The following RIC8B variants were observed in gnomAD, a reference collection of about 807,000 sequenced individuals.
RIC8B encodes the protein RIC8 guanine nucleotide exchange factor B.
In RIC8B, 16 loss-of-function variants were observed where a neutral mutation model predicts 57.5. The observed-to-expected ratio is 0.28, with a 90% confidence interval of 0.19 to 0.42. The LOEUF (loss-of-function observed/expected upper bound fraction) is 0.42, where lower values mean the gene tolerates loss of function less well. Ranked by LOEUF, RIC8B falls within the 10% of genes least tolerant of loss-of-function variation. RIC8B has a pLI of 1.00. For missense variants in RIC8B, 481 were observed against 677.0 expected (o/e 0.71, Z 3.21); for synonymous variants, 216 against 250.8 (o/e 0.86, Z 1.31).
intron 2 of RIC8B, among the ~76,000 whole-genome samples, chr12:106,809,628 A>C (rs2045239212): frequency 6.6e-6 from 1 of 152,174 alleles, no homozygotes; most frequent in Non-Finnish European, 1.5e-5. Context: ...CACATAAGCA[A>C]AAAATATTAC....
At chr12:106,780,435 C>T (rs1206730025) in intron 1 of RIC8B, among the ~76,000 whole-genome samples, 1 of 152,136 alleles carries the variant, frequency 6.6e-6, no homozygotes, top group Non-Finnish European at 1.5e-5. Flanking sequence ...GCTAGAAGAA[C>T]CTGATTCATA....
At chr12:106,778,781 C>T (rs1028089670) in intron 1 of RIC8B, among the ~76,000 whole-genome samples, 1 of 152,130 alleles carries the variant, frequency 6.6e-6, no homozygotes, top group Non-Finnish European at 1.5e-5. Flanking sequence ...TGGTATACTA[C>T]GGTTATTCCT....
rs551932278 is a variant in RIC8B, at chr12:106,815,131, C to T, written c.568C>T (p.Pro190Ser). Residue 190 changes from proline (P) to serine (S), a missense_variant, in exon 3 of 10, where the codon CCG (proline) becomes TCG (serine). By Grantham distance (74) the Pro-to-Ser change is moderately conservative (BLOSUM62 -1). Around this residue, in one of 3 missense-constraint regions of RIC8B, gnomAD observed 421 missense variants for 560.9 expected, o/e 0.75. Transcript: ENST00000392837. ...ATTGCGCTATGAGCTCCAGGGACTA[C>T]CGCTGCTAACGCAGATCTTGGAAAG... ...SQLRYELQGL[P>S]LLTQILESAF... The T allele has an allele frequency of 6.2e-7, 1 of 1,614,218 alleles. No individual in the cohort carries two copies. Among genetic ancestry groups the T allele is most frequent in the African/African-American group, 1.3e-5 (1 of 75,052 alleles).
chr12:106,843,698 G>A (rs1013816667), intron 5 of RIC8B, among the ~76,000 whole-genome samples, 154 bp from the exon 6 acceptor site: 2 of 137,460 alleles, frequency 1.5e-5, no homozygotes, highest in African/African-American at 5.5e-5. Flanking sequence ...CTCCAGCCTG[G>A]GCAACAGAGG....
At chr12:106,795,356 G>A (rs1480784686) in intron 2 of RIC8B, among the ~76,000 whole-genome samples, 3 of 152,066 alleles carry the variant, frequency 2.0e-5, no homozygotes, top group East Asian at 1.9e-4. Context: ...GTTTAGGAGC[G>A]GAGGTCTAAT....
At chr12:106,865,656 C>A (rs932054752) in intron 8 of RIC8B, among the ~76,000 whole-genome samples, 6 of 152,084 alleles carry the variant, frequency 3.9e-5, no homozygotes, top group Non-Finnish European at 1.5e-5. Flanking sequence ...GCTAAAATCT[C>A]TCTCTCCAGG....
chr12:106,821,861 G>C (rs924386391), intron 3 of RIC8B, among the ~76,000 whole-genome samples: 4 of 151,792 alleles, frequency 2.6e-5, no homozygotes, highest in African/African-American at 9.7e-5. Flanking sequence ...GGCAGATCAC[G>C]AGGTCAGGAG....
intron 9 of RIC8B, among the ~76,000 whole-genome samples, chr12:106,872,620 G>A (rs1950482233): frequency 6.8e-6 from 1 of 147,256 alleles, no homozygotes; most frequent in African/African-American, 2.5e-5. Flanking sequence ...GTGAACCAAG[G>A]TCGCACCATT....
chr12:106,848,004 G>A (rs944212561), intron 6 of RIC8B, among the ~76,000 whole-genome samples: 10 of 152,112 alleles, frequency 6.6e-5, no homozygotes, highest in South Asian at 2.1e-4. Flanking sequence ...TATATACTAC[G>A]TCCGGTGGTG....
intron 3 of RIC8B, 117 bp downstream of exon 3, chr12:106,815,421 C>T: frequency 9.5e-7 from 1 of 1,057,518 alleles, no homozygotes; most frequent in East Asian, 2.4e-5. Flanking sequence ...CCACTTCTCC[C>T]ATTAAGCAAT....
At chr12:106,791,631 A>AT (rs1566041524) in intron 2 of RIC8B, among the ~76,000 whole-genome samples, 1 of 152,186 alleles carries the variant, frequency 6.6e-6, no homozygotes, top group African/African-American at 2.4e-5. Context: ...TATTTAGCAT[A>AT]TTAGAGATCT....
intron 2 of RIC8B, among the ~76,000 whole-genome samples, chr12:106,786,141 A>ATTTTTTTTTTTTT (rs893618675): frequency 1.4e-5 from 1 of 73,888 alleles, no homozygotes; most frequent in African/African-American, 5.6e-5. Context: ...CCCAAGGTGT[A>ATTTTTTTTTTTTT]TTTTTTTTTT....
chr12:106,837,547 C>G (rs1371697208), intron 4 of RIC8B, among the ~76,000 whole-genome samples: 1 of 151,744 alleles, frequency 6.6e-6, no homozygotes, highest in Non-Finnish European at 1.5e-5. Flanking sequence ...GTGATACCTG[C>G]CTGAAATAGT....
chr12:106,838,633 G>T (rs1469421701), intron 4 of RIC8B, among the ~76,000 whole-genome samples: 5 of 151,216 alleles, frequency 3.3e-5, no homozygotes, highest in Admixed American at 2.6e-4. Flanking sequence ...ATGATTTCTT[G>T]GGTATGACAC....
chr12:106,843,777 G>T, intron 5 of RIC8B, 75 bp from the exon 6 acceptor site: 2 of 984,604 alleles, frequency 2.0e-6, no homozygotes, highest in Middle Eastern at 2.3e-4. Flanking sequence ...GATATCCTCA[G>T]TTACATGAAG....
chr12:106,871,670 A>G (rs545402860), intron 9 of RIC8B, among the ~76,000 whole-genome samples: 86 of 152,266 alleles, frequency 5.6e-4, no homozygotes, highest in African/African-American at 2.1e-3. Flanking sequence ...CTAGTCATAC[A>G]TTGAGTCACT....
At chr12:106,868,419 A>T (rs999778849) in intron 8 of RIC8B, 18 of 450,720 alleles carry the variant, frequency 4.0e-5, no homozygotes, top group African/African-American at 3.2e-4. Flanking sequence ...TTTGCTTGGG[A>T]AGTGGTATGT....
In RIC8B at chr12:106,879,329, A is replaced by G; in HGVS notation, c.1572-6575A>G. On this transcript the variant is annotated intron_variant, in intron 9 of 9. Transcript: ENST00000392837. The surrounding 1 kb of genome is among the most constrained non-coding windows in gnomAD (Gnocchi z 4.9). ...TTTTATACACATACACGTCTGACCT[A>G]TTCTATATTGTGCGATTGGGTATGT... is the stretch of plus-strand genomic sequence containing the variant. 3.0e-6 allele frequency: 3 copies of G among 985,358 alleles called. No homozygotes were observed. The highest frequency in any genetic ancestry group is 1.7e-5 in the African/African-American group (1 of 57,342). The allele number at this position is 985,358 out of a possible 1,614,324, so 61.0% of individuals were successfully genotyped here.
chr12:106,792,905 T>G (rs1319399937), intron 2 of RIC8B, among the ~76,000 whole-genome samples: 1 of 152,248 alleles, frequency 6.6e-6, no homozygotes, highest in Non-Finnish European at 1.5e-5. Flanking sequence ...TTCTCCAAAC[T>G]GGTGCAGGGA....
Sources: gnomAD v4.1 joint callset for allele counts (sites outside exome capture counted in the v4.1 genomes callset) on GRCh38, gnomAD v4.1.1 for gene constraint, gnomAD v4.1.1 regional missense constraint, Gnocchi (gnomAD v3.1) non-coding constraint, MANE v1.5 for transcripts, NCBI Gene and HGNC (gene_info 2026-07-23, HGNC 2026-07-21) for gene names.